The following HEATR6 variants were observed in gnomAD, a reference collection of about 807,000 sequenced individuals.
The protein encoded by HEATR6 is HEAT repeat containing 6, also known as HEAT repeat-containing protein 6.
In HEATR6, 106 loss-of-function variants were observed where a neutral mutation model predicts 132.8. The observed-to-expected ratio is 0.80, with a 90% confidence interval of 0.68 to 0.94. HEATR6 has a LOEUF of 0.94. Ranked by LOEUF, HEATR6 falls within the 40% of genes least tolerant of loss-of-function variation. The pLI, the probability that HEATR6 is intolerant of heterozygous loss-of-function variation, is 0.00. For missense variants in HEATR6, 1,339 were observed against 1,425.1 expected, an observed-to-expected ratio of 0.94 and a Z score of 0.97; for synonymous variants, 529 against 537.8, an observed-to-expected ratio of 0.98 and a Z score of 0.23.
intron 14 of HEATR6, among the ~76,000 whole-genome samples, chr17:60,051,227 G>A (rs1302545627): frequency 6.6e-6 from 1 of 152,244 alleles, no homozygotes; most frequent in East Asian, 1.9e-4. Context: ...ATCAAGAGGA[G>A]GCTGAAGATG....
intron 9 of HEATR6, chr17:60,064,342 C>T: frequency 6.0e-6 from 1 of 165,404 alleles, no homozygotes; most frequent in Non-Finnish European, 1.3e-5. Context: ...AAAGCCTGTC[C>T]CATGACATCA....
intron 10 of HEATR6, 102 bp from the exon 11 acceptor site, chr17:60,059,623 A>G: frequency 2.6e-6 from 2 of 767,022 alleles, no homozygotes; most frequent in Non-Finnish European, 4.3e-6. Flanking sequence ...TCACACAACT[A>G]AAAATTAGCC....
rs758339398 is a variant in HEATR6, at chr17:60,048,380, T to C, written c.2556A>G (p.Ile852Met). ...TTGCATTTGCTGCGTCTGCAACAAA[T>C]ATGACATCCTGTAACACAAAACAAA... ...VLFPCLRQDVIFVADAANAIL... is the reference protein window; with the variant it reads ...VLFPCLRQDVMFVADAANAIL... The change falls in exon 17 of 20, where the codon ATA becomes ATG. Residue 852 changes from isoleucine to methionine, a missense_variant. By Grantham distance (10) the Ile-to-Met change is conservative (BLOSUM62 1). Coordinates refer to ENST00000184956, the MANE Select transcript of HEATR6 (RefSeq NM_022070.5). The C allele has an allele frequency of 6.2e-7, 1 of 1,611,752 alleles. No homozygotes were observed. Among genetic ancestry groups the C allele is most frequent in the South Asian group, 1.1e-5 (1 of 90,878 alleles).
Position 60,046,053 on chromosome 17 carries a change from A to G in HEATR6, c.2946T>C (p.Asn982=). 2 of 1,614,024 alleles carry G rather than the reference A, an allele frequency of 1.2e-6. No individual in the cohort carries two copies. The highest frequency in any genetic ancestry group is 1.7e-6 in the Non-Finnish European group (2 of 1,179,956). Residue 982 remains asparagine (N), a synonymous_variant, in exon 19 of 20, where the codon AAT becomes AAC. Coordinates refer to ENST00000184956, the MANE Select transcript of HEATR6 (RefSeq NM_022070.5). ...AAGGAAGGGCAGGATTTTTAAATACATTTCCCATTGCATAACAAGCATTCC... is the reference window on the plus strand; with the variant it reads ...AAGGAAGGGCAGGATTTTTAAATACGTTTCCCATTGCATAACAAGCATTCC... ...VRWNACYAMG[N]VFKNPALPLG...
In HEATR6 at chr17:60,078,859, G is replaced by T; in HGVS notation, c.56C>A (p.Pro19Gln). The T allele has an allele frequency of 6.6e-7, 1 of 1,516,814 alleles. No individual in the cohort carries two copies. The allele number at this position is 1,516,814 out of a possible 1,614,324, so 94.0% of individuals were successfully genotyped here. Residue 19 changes from proline to glutamine, a missense_variant, in exon 1 of 20, where the codon CCG (proline) becomes CAG (glutamine). Pro to Gln is a moderately conservative substitution (Grantham distance 76). Transcript: ENST00000184956. Reference protein sequence around the residue: ...SWPSVQPREAPREAIPERGNG... With the variant: ...SWPSVQPREAQREAIPERGNG... Reference sequence around the variant, plus strand: ...GCCTCGCTCAGGGATTGCTTCCCGCGGTGCCTCCCGCGGCTGCACGGAAGG... The same window carrying T: ...GCCTCGCTCAGGGATTGCTTCCCGCTGTGCCTCCCGCGGCTGCACGGAAGG...
At chr17:60,062,963 GC>G in intron 9 of HEATR6, 1 of 175,618 alleles carries the variant, frequency 5.7e-6, no homozygotes, top group East Asian at 1.7e-4. Flanking sequence ...AGTGCCTTTT[GC>G]CTCCTGCCAT....
At chr17:60,073,955 T>G (rs1272263124) in intron 2 of HEATR6, 69 bp from the exon 3 acceptor site, 2 of 1,551,374 alleles carry the variant, frequency 1.3e-6, no homozygotes, top group African/African-American at 2.8e-5. Flanking sequence ...TGGACATGTA[T>G]GCTCACCTGA....
At chr17:60,065,574 C>T (rs181672692) in intron 9 of HEATR6, among the ~76,000 whole-genome samples, 112 of 152,226 alleles carry the variant, frequency 7.4e-4, no homozygotes, top group South Asian at 1.7e-3. Flanking sequence ...CATATTCAAG[C>T]GAGGCAAATA....
rs763745137 is a variant in HEATR6 at position 60,057,193 on chromosome 17, T to C, written c.1934A>G (p.Lys645Arg). ...SLEETSVSSPKGSSEPCWLIR... is the reference protein window; with the variant it reads ...SLEETSVSSPRGSSEPCWLIR... ...GAGCCAGCAGGGCTCTGAAGACCCCTTAGGTGAGCTAACTGACGTTTCTTC... is the reference window on the plus strand; with the variant it reads ...GAGCCAGCAGGGCTCTGAAGACCCCCTAGGTGAGCTAACTGACGTTTCTTC... The change falls in exon 12 of 20, where the codon AAG becomes AGG. Residue 645 changes from lysine to arginine, a missense_variant. Physicochemically the swap from Lys to Arg is conservative, Grantham distance 26. Coordinates refer to ENST00000184956, the MANE Select transcript of HEATR6 (RefSeq NM_022070.5). 8 of 1,614,170 alleles carry C rather than the reference T, an allele frequency of 5.0e-6. No homozygotes were observed. The highest frequency in any genetic ancestry group is 2.2e-5 in the East Asian group (1 of 44,888).
rs71211665 is a variant in HEATR6, at chr17:60,042,625, C to T, written c.*938G>A. On this transcript the variant is annotated 3_prime_UTR_variant, in exon 20 of 20. Transcript: ENST00000184956. ...ACTGTCAGCATCCTCGCGTCCTGTG[C>T]GGCTGTGAGGCACTGTCAGCATCCT... Among the ~76,000 whole-genome samples the T allele has an allele frequency of 9.1e-5, 2 of 22,064 alleles. No homozygotes were observed. The highest frequency in any genetic ancestry group is 3.0e-4 in the African/African-American group (1 of 3,334). The allele number at this position is 22,064 out of a possible 152,430, so 14.5% of individuals were successfully genotyped here.
rs1906882594 is a variant in HEATR6, at chr17:60,060,058, C to T, written c.1455G>A (p.Leu485=). Residue 485 remains leucine (L), a synonymous_variant, in exon 10 of 20, where the codon TTG becomes TTA. Transcript: ENST00000184956. ...ACALQVLSAI[L]EGSKQFLSVA... Reference sequence around the variant, plus strand: ...CAGAAAGAAACTGCTTTGAGCCTTCCAAGATGGCAGATAAAACTTGCAGAG... The same window carrying T: ...CAGAAAGAAACTGCTTTGAGCCTTCTAAGATGGCAGATAAAACTTGCAGAG... 6.2e-7 allele frequency: 1 copy of T among 1,613,934 alleles called. No individual in the cohort carries two copies. Among genetic ancestry groups the T allele is most frequent in the Non-Finnish European group, 8.5e-7 (1 of 1,179,908 alleles).
rs1199220803 is a variant in HEATR6 at position 60,055,511 on chromosome 17, T to C, written c.2289+4A>G. 6.3e-7 allele frequency: 1 copy of C among 1,593,574 alleles called. No individual in the cohort carries two copies. The highest frequency in any genetic ancestry group is 1.4e-5 in the African/African-American group (1 of 74,064). On this transcript the variant is annotated splice_donor_region_variant and intron_variant, in intron 14 of 19. Coordinates refer to ENST00000184956, the MANE Select transcript of HEATR6 (RefSeq NM_022070.5). ...AAGAAAACTATGAATTGACATTTAT[T>C]TACCAAGAAGACTGGTGCTCTCTGA... is the stretch of plus-strand genomic sequence containing the variant.
intron 1 of HEATR6, among the ~76,000 whole-genome samples, chr17:60,077,484 C>T (rs2083302595): frequency 6.6e-6 from 1 of 152,216 alleles, no homozygotes; most frequent in Non-Finnish European, 1.5e-5. Context: ...CTGCCTTAAT[C>T]TCACTCTGCT....
chr17:60,075,502 A>T (rs999095137), intron 2 of HEATR6: 1 of 152,200 alleles, frequency 6.6e-6, no homozygotes, highest in African/African-American at 2.4e-5. Flanking sequence ...TTAAATAAAT[A>T]ACTGGGGTCT....
intron 11 of HEATR6, among the ~76,000 whole-genome samples, chr17:60,058,675 G>C (rs1462335014): frequency 6.6e-6 from 1 of 152,136 alleles, no homozygotes; most frequent in African/African-American, 2.4e-5. Context: ...AAGAAATTAG[G>C]GTTCAGAGAG....
At position 60,043,344 on chromosome 17, in the gene HEATR6, C is replaced by T. The variant is rs1906247170; in HGVS notation, c.*219G>A. The T allele has an allele frequency of 3.8e-6, 2 of 529,694 alleles. No individual in the cohort carries two copies. Among genetic ancestry groups the T allele is most frequent in the Non-Finnish European group, 6.7e-6 (2 of 299,552 alleles). 32.8% of individuals were successfully genotyped at this position (529,694 alleles called of 1,614,324 possible). Reference sequence around the variant, plus strand: ...AACCTGACTCCTCGGCTCCTGGATGCACAGGTCAGATGTTCCAACAACCCT... The same window carrying T: ...AACCTGACTCCTCGGCTCCTGGATGTACAGGTCAGATGTTCCAACAACCCT... On this transcript the variant is annotated 3_prime_UTR_variant, in exon 20 of 20. Coordinates refer to ENST00000184956, the MANE Select transcript of HEATR6 (RefSeq NM_022070.5).
intron 2 of HEATR6, 93 bp downstream of exon 2, chr17:60,076,037 G>T: frequency 1.5e-6 from 1 of 678,784 alleles, no homozygotes; most frequent in Non-Finnish European, 2.5e-6. Flanking sequence ...TCAAAAAACA[G>T]CCTATCATAC....
intron 16 of HEATR6, among the ~76,000 whole-genome samples, chr17:60,049,101 T>TAG (rs563740738): frequency 4.1e-4 from 58 of 141,146 alleles, no homozygotes; most frequent in African/African-American, 1.2e-3. Context: ...TATATATATG[T>TAG]AGAGAGAGAG....
intron 12 of HEATR6, 85 bp from the exon 13 acceptor site, chr17:60,056,322 C>G: frequency 7.5e-7 from 1 of 1,335,310 alleles, no homozygotes; most frequent in Non-Finnish European, 1.0e-6. Flanking sequence ...TTTCAGAAAT[C>G]GCTTACATTT....
Sources: gnomAD v4.1 joint callset for allele counts (sites outside exome capture counted in the v4.1 genomes callset) on GRCh38, gnomAD v4.1.1 for gene constraint, MANE v1.5 for transcripts, NCBI Gene and HGNC (gene_info 2026-07-23, HGNC 2026-07-21) for gene names.